Variants in ALG9 observed in about 807,000 individuals in gnomAD.
ALG9 encodes the protein alpha-1,2-mannosyltransferase ALG9.
ALG9 carries 55 observed loss-of-function variants against 81.8 expected under a neutral mutation model. The observed-to-expected ratio is 0.67, with a 90% CI of 0.54 to 0.84. ALG9 has a LOEUF of 0.84. Among genes scored for constraint, ALG9 ranks in the 40% least tolerant of loss-of-function variants. The probability of loss-of-function intolerance (pLI) is 0.00; values close to 1 mark genes in which losing one functional copy is unlikely to be tolerated. For missense variants in ALG9, 629 were observed against 745.0 expected (o/e 0.84, Z 1.81); for synonymous variants, 278 against 274.3 (o/e 1.01, Z -0.13).
intron 5 of ALG9, among the ~76,000 whole-genome samples, 158 bp downstream of exon 5, chr11:111,860,389 C>T (rs1959655423): frequency 6.6e-6 from 1 of 152,232 alleles, no homozygotes; most frequent in Admixed American, 6.5e-5. Flanking sequence ...TAACAGTGCT[C>T]TGCAAATTAT....
chr11:111,780,571 A>G (rs1555056573), downstream of ALG9, among the ~76,000 whole-genome samples: 1 of 151,652 alleles, frequency 6.6e-6, no homozygotes, highest in Non-Finnish European at 1.5e-5. Context: ...TAATTTTTGT[A>G]TTTTTGTAGA....
At chr11:111,818,783 C>T (rs1951891227) in intron 13 of ALG9, among the ~76,000 whole-genome samples, 1 of 152,010 alleles carries the variant, frequency 6.6e-6, no homozygotes, top group African/African-American at 2.4e-5. Context: ...ACAAAACATA[C>T]AGTAGGTCCT....
At chr11:111,819,938 C>G (rs1046754625) in intron 13 of ALG9, among the ~76,000 whole-genome samples, 1 of 152,238 alleles carries the variant, frequency 6.6e-6, no homozygotes, top group Admixed American at 6.5e-5. Context: ...TCCAACACCA[C>G]GCTGTTCAAA....
chr11:111,844,352 A>C (rs782817856), intron 9 of ALG9, among the ~76,000 whole-genome samples: 4 of 152,144 alleles, frequency 2.6e-5, no homozygotes, highest in African/African-American at 7.2e-5. Flanking sequence ...TGATTGTGTA[A>C]ATTATATTGA....
intron 9 of ALG9, among the ~76,000 whole-genome samples, chr11:111,843,536 T>G (rs111987781): frequency 1.3e-5 from 2 of 152,224 alleles, no homozygotes; most frequent in African/African-American, 4.8e-5. Context: ...ACGAACTCAT[T>G]ATAAACCATT....
At chr11:111,788,634 A>G (rs915444872) in intron 14 of ALG9, 5 of 368,858 alleles carry the variant, frequency 1.4e-5, no homozygotes, top group African/African-American at 8.5e-5. Context: ...AGTCCCAGCT[A>G]TTCTGAAGTC....
At chr11:111,805,381 A>C (rs1949771318) in intron 14 of ALG9, 1 of 451,188 alleles carries the variant, frequency 2.2e-6, no homozygotes, top group Non-Finnish European at 4.4e-6. Context: ...AGCAGTCTGA[A>C]CTAAGACCAA....
intron 8 of ALG9, among the ~76,000 whole-genome samples, chr11:111,845,951 C>T (rs1292446606): frequency 1.3e-5 from 2 of 152,180 alleles, no homozygotes; most frequent in African/African-American, 4.8e-5. Flanking sequence ...TTGGGGGAAG[C>T]TCACTCCTTC....
chr11:111,869,956 CG>C (rs1331889638), intron 2 of ALG9, among the ~76,000 whole-genome samples: 1 of 152,088 alleles, frequency 6.6e-6, no homozygotes, highest in Non-Finnish European at 1.5e-5. Flanking sequence ...GGACTACAGG[CG>C]CCCACCACCA....
At chr11:111,813,469 G>A (rs1951033048) in intron 13 of ALG9, among the ~76,000 whole-genome samples, 1 of 152,114 alleles carries the variant, frequency 6.6e-6, no homozygotes, top group African/African-American at 2.4e-5. Flanking sequence ...GGGCATGGTG[G>A]TGCACACCTG....
chr11:111,778,533 G>GGTCT (rs1459141187), downstream of ALG9, among the ~76,000 whole-genome samples: 22 of 152,150 alleles, frequency 1.4e-4, no homozygotes, highest in African/African-American at 5.3e-4. Flanking sequence ...CAGAGAAATA[G>GGTCT]GTCTGTGGTG....
chr11:111,871,537 A>C lies in ALG9; in HGVS notation c.-55T>G, dbSNP rs974732279. The C allele has an allele frequency of 2.3e-5, 35 of 1,534,396 alleles. No individual in the cohort carries two copies. The highest frequency in any genetic ancestry group is 4.1e-5 in the African/African-American group (3 of 72,956). On this transcript the variant is annotated 5_prime_UTR_variant, in exon 1 of 15. Coordinates refer to ENST00000616540, the MANE Select transcript of ALG9 (RefSeq NM_024740.2). Reference sequence around the variant, plus strand: ...CCCTATGAAGTCGGTGAGCGCGCAGACATAGCTTTGGCTGGCAAACGGTGT... The same window carrying C: ...CCCTATGAAGTCGGTGAGCGCGCAGCCATAGCTTTGGCTGGCAAACGGTGT...
chr11:111,869,773 A>T (rs1963674620), intron 2 of ALG9, among the ~76,000 whole-genome samples: 1 of 152,138 alleles, frequency 6.6e-6, no homozygotes, highest in Non-Finnish European at 1.5e-5. Flanking sequence ...GGATCGCTTG[A>T]GCCTAGGAGT....
rs928758195 is a variant in ALG9 at position 111,871,193 on chromosome 11, C to A, written c.131+159G>T. ...TGGGCGAAGACTGAATGCTGACCCG[C>A]CCAGGAAGACCAATAGGACCTAGCT... On this transcript the variant is annotated intron_variant, in intron 1 of 14. Transcript: ENST00000616540. The A allele has an allele frequency of 1.7e-5, 22 of 1,302,442 alleles. No individual in the cohort carries two copies. The African/African-American group carries it at 3.4e-4, about 20-fold the overall frequency. 80.7% of individuals were successfully genotyped at this position (1,302,442 alleles called of 1,614,324 possible).
At chr11:111,775,978 C>G in the ALG9 span, among the ~76,000 whole-genome samples, 19 of 152,068 alleles carry the variant, frequency 1.2e-4, no homozygotes, top group Admixed American at 7.9e-4. Flanking sequence ...GCATCAGTTT[C>G]CCCATCTATA....
chr11:111,830,374 T>TA (rs1319157096), intron 13 of ALG9, among the ~76,000 whole-genome samples: 1 of 152,248 alleles, frequency 6.6e-6, no homozygotes, highest in Non-Finnish European at 1.5e-5. Flanking sequence ...ATAGCCTTGC[T>TA]AAATACATAT....
At chr11:111,870,158 TTG>T in intron 2 of ALG9, 72 bp downstream of exon 2, 1 of 1,486,832 alleles carries the variant, frequency 6.7e-7, no homozygotes, top group Non-Finnish European at 9.1e-7. Context: ...TGTATATTAT[TTG>T]TCTCTCGATT....
the ALG9 span, among the ~76,000 whole-genome samples, chr11:111,774,404 G>A: frequency 6.6e-6 from 1 of 152,070 alleles, no homozygotes; most frequent in Non-Finnish European, 1.5e-5. Context: ...CAAACAAAAA[G>A]GCAAGGGCCA....
chr11:111,864,556 T>G, intron 4 of ALG9: 3 of 600,440 alleles, frequency 5.0e-6, no homozygotes, highest in Non-Finnish European at 9.2e-6. Context: ...AGCTTATCCC[T>G]GTAGCACATG....
Sources: gnomAD v4.1 joint callset for allele counts (sites outside exome capture counted in the v4.1 genomes callset) on GRCh38, gnomAD v4.1.1 for gene constraint, MANE v1.5 for transcripts, NCBI Gene and HGNC (gene_info 2026-07-23, HGNC 2026-07-21) for gene names.